The following PRKDC variants were observed in gnomAD, a reference collection of about 807,000 sequenced individuals.
PRKDC encodes the protein DNA-dependent protein kinase catalytic subunit.
In PRKDC, 82 loss-of-function variants were observed where a neutral mutation model predicts 486.9. The observed-to-expected ratio is 0.17, with a 90% CI of 0.14 to 0.20. The LOEUF (loss-of-function observed/expected upper bound fraction) is 0.20, where lower values mean the gene tolerates loss of function less well. Among genes scored for constraint, PRKDC ranks in the 10% least tolerant of loss-of-function variants. The pLI, the probability that PRKDC is intolerant of heterozygous loss-of-function variation, is 1.00. For missense variants in PRKDC, 4,504 were observed against 5,038.2 expected (o/e 0.89, Z 3.21); for synonymous variants, 1,895 against 1,837.0 (o/e 1.03, Z -0.81).
At chr8:47,896,429 C>T (rs1196811002) in intron 30 of PRKDC, among the ~76,000 whole-genome samples, 4 of 151,962 alleles carry the variant, frequency 2.6e-5, no homozygotes, top group Admixed American at 6.6e-5. Flanking sequence ...GGGTGGATCA[C>T]GAGGTCAGCA....
intron 68 of PRKDC, among the ~76,000 whole-genome samples, chr8:47,807,803 C>A (rs1162056640): frequency 6.6e-6 from 1 of 151,928 alleles, no homozygotes; most frequent in Non-Finnish European, 1.5e-5. Context: ...GCAACCTCCA[C>A]CTTCTGGGTT....
chr8:47,824,395 C>T (rs2087678601), intron 63 of PRKDC, among the ~76,000 whole-genome samples: 1 of 150,088 alleles, frequency 6.7e-6, no homozygotes, highest in Admixed American at 6.7e-5. Context: ...ACTGCTTGAA[C>T]CCAGGAGGTG....
At chr8:47,809,136 AGGGAGG>A (rs2087275999) in intron 68 of PRKDC, among the ~76,000 whole-genome samples, 2 of 37,182 alleles carry the variant, frequency 5.4e-5, no homozygotes, top group Admixed American at 4.0e-4. Flanking sequence ...AGGGTATGGG[AGGGAGG>A]GGGAGGGGAG....
At position 47,944,013 on chromosome 8, in the gene PRKDC, C is replaced by T; in HGVS notation, c.738G>A (p.Arg246=). The change falls in exon 8 of 86, where the codon AGG becomes AGA. Residue 246 remains arginine (R), a synonymous_variant. Transcript: ENST00000314191. ...CCTTTAGTACAAAATTAAAAATCTC[C>T]CTTGAAGTCTGGGGATCTAGGGAAA... ...KSMEEDPQTS[R]EIFNFVLKAI... 1 of 1,563,370 alleles carries T rather than the reference C, an allele frequency of 6.4e-7. No individual in the cohort carries two copies. Among genetic ancestry groups the T allele is most frequent in the Non-Finnish European group, 8.7e-7 (1 of 1,152,762 alleles).
chr8:47,828,255 G>T lies in PRKDC; in HGVS notation c.8490C>A (p.Asn2830Lys), dbSNP rs760519571. 1.9e-6 allele frequency: 3 copies of T among 1,613,228 alleles called. No homozygotes were observed. Among genetic ancestry groups the T allele is most frequent in the Non-Finnish European group, 2.5e-6 (3 of 1,179,556 alleles). Residue 2830 changes from asparagine (N) to lysine (K), a missense_variant, in exon 62 of 86, where the codon AAC becomes AAA. By Grantham distance (94) the Asn-to-Lys change is moderately conservative. Around this residue, in one of 6 missense-constraint regions of PRKDC, gnomAD observed 1,592 missense variants for 1,724.6 expected, o/e 0.92. Coordinates refer to ENST00000314191, the MANE Select transcript of PRKDC (RefSeq NM_006904.7). ...CTTGAAGCAACTTTTGAGTGATGTT[G>T]TTTTTTTCAGACAGTGTCTTAAATT... ...MDKFKTLSEK[N>K]NITQKLLQDF...
In PRKDC at chr8:47,953,725, AG is replaced by A. The variant is rs1174713725; in HGVS notation, c.622-7del. The A allele has an allele frequency of 1.2e-6, 2 of 1,607,786 alleles. No individual in the cohort carries two copies. Among genetic ancestry groups the A allele is most frequent in the Non-Finnish European group, 1.7e-6 (2 of 1,176,856 alleles). ...TCTCTTACTGCTGATGTCATCTAAA[AG>A]AAAAGATTTAAGAAGATGTCATTAC... On this transcript the variant is annotated splice_region_variant and splice_polypyrimidine_tract_variant and intron_variant, in intron 6 of 85. Coordinates refer to ENST00000314191, the MANE Select transcript of PRKDC (RefSeq NM_006904.7).
chr8:47,808,369 C>T (rs1241153589), intron 68 of PRKDC, among the ~76,000 whole-genome samples: 1 of 152,150 alleles, frequency 6.6e-6, no homozygotes. Context: ...TGGTCTCGAG[C>T]TCCTGGGCTC....
At chr8:47,927,008 C>A in intron 21 of PRKDC, 186 bp downstream of exon 21, 3 of 616,278 alleles carry the variant, frequency 4.9e-6, no homozygotes, top group East Asian at 3.1e-5. Flanking sequence ...TTTTTAATAC[C>A]TCAACTATAT....
intron 84 of PRKDC, among the ~76,000 whole-genome samples, chr8:47,777,381 G>C (rs2086625976): frequency 6.6e-6 from 1 of 152,040 alleles, no homozygotes; most frequent in Non-Finnish European, 1.5e-5. Flanking sequence ...GCTAATTTCT[G>C]TATTTTTAGT....
At chr8:47,847,252 A>T (rs2088288973) in intron 54 of PRKDC, among the ~76,000 whole-genome samples, 1 of 152,230 alleles carries the variant, frequency 6.6e-6, no homozygotes, top group Non-Finnish European at 1.5e-5. Flanking sequence ...CTACAGGGAT[A>T]CAATAATCAA....
intron 40 of PRKDC, among the ~76,000 whole-genome samples, chr8:47,872,929 C>G (rs552901109): frequency 6.6e-6 from 1 of 152,284 alleles, no homozygotes; most frequent in East Asian, 1.9e-4. Flanking sequence ...ATCAGCACTA[C>G]AGACTAAATG....
At chr8:47,901,426 A>T (rs1438146790) in intron 27 of PRKDC, among the ~76,000 whole-genome samples, 2 of 152,048 alleles carry the variant, frequency 1.3e-5, no homozygotes, top group Non-Finnish European at 2.9e-5. Flanking sequence ...GTGAGCCGAG[A>T]TCGCACCACT....
chr8:47,955,389 G>C (rs2090684821), intron 4 of PRKDC, among the ~76,000 whole-genome samples: 1 of 144,220 alleles, frequency 6.9e-6, no homozygotes, highest in African/African-American at 2.6e-5. Context: ...GTGAACCCGG[G>C]AGGCGGAGCT....
chr8:47,820,681 T>C lies in PRKDC; in HGVS notation c.9336+38A>G, dbSNP rs771153033. On this transcript the variant is annotated intron_variant, in intron 66 of 85. Transcript: ENST00000314191. ...CACATTATAATATATATATACACTA[T>C]ATATATACAAGCATATATATATAAT... 6.6e-6 allele frequency: 7 copies of C among 1,053,540 alleles called. No homozygotes were observed. The South Asian group carries it at 8.7e-5, about 13-fold the overall frequency. 65.3% of individuals were successfully genotyped at this position (1,053,540 alleles called of 1,614,324 possible). A position where few individuals can be genotyped will look rare whatever the true frequency, so the allele number is the denominator to read the frequency against.
chr8:47,816,873 G>A (rs1051651514), intron 68 of PRKDC, among the ~76,000 whole-genome samples: 4 of 151,578 alleles, frequency 2.6e-5, no homozygotes, highest in African/African-American at 9.7e-5. Context: ...CATGACACTT[G>A]GGGTCAGAGT....
chr8:47,836,592 C>T, intron 57 of PRKDC, 65 bp from the exon 58 acceptor site: 1 of 1,345,868 alleles, frequency 7.4e-7, no homozygotes, highest in Non-Finnish European at 1.0e-6. Flanking sequence ...TTTTTAGGAA[C>T]ACTGATATAT....
At chr8:47,938,621 G>A (rs564769312) in intron 11 of PRKDC, among the ~76,000 whole-genome samples, 1 of 152,158 alleles carries the variant, frequency 6.6e-6, no homozygotes, top group South Asian at 2.1e-4. Context: ...GAGTGCAGTG[G>A]CTCGATCACA....
In PRKDC at chr8:47,939,668, T is replaced by C; in HGVS notation, c.996A>G (p.Glu332=). ...QVSNMVAKNA[E]MHKNKLQYFM... Reference sequence around the variant, plus strand: ...AGTACTGCAGTTTATTTTTATGCATTTCTGCATTTTTCGCCACCATATTAG... The same window carrying C: ...AGTACTGCAGTTTATTTTTATGCATCTCTGCATTTTTCGCCACCATATTAG... The change falls in exon 11 of 86, where the codon GAA becomes GAG. Residue 332 remains glutamate (E), a synonymous_variant. Transcript: ENST00000314191. 7 of 1,604,500 alleles carry C rather than the reference T, an allele frequency of 4.4e-6. No individual in the cohort carries two copies. In the South Asian group the frequency reaches 7.9e-5, roughly 18 times the overall value.
At chr8:47,867,151 T>G (rs2088836343) in intron 40 of PRKDC, among the ~76,000 whole-genome samples, 1 of 152,168 alleles carries the variant, frequency 6.6e-6, no homozygotes, top group Non-Finnish European at 1.5e-5. Context: ...CACTAATTTT[T>G]TAAGACAAAG....
Sources: allele counts gnomAD v4.1 joint callset (sites outside exome capture counted in the v4.1 genomes callset), GRCh38; gene constraint gnomAD v4.1.1; regional missense constraint gnomAD v4.1.1; transcripts MANE v1.5; gene names NCBI Gene and HGNC (gene_info 2026-07-23, HGNC 2026-07-21).